FAM53B: variants seen among roughly 807,000 people sequenced by gnomAD.
The protein encoded by FAM53B is family with sequence similarity 53 member B, also known as protein FAM53B.
FAM53B carries 12 observed loss-of-function variants against 32.7 expected under a neutral mutation model. That is an observed-to-expected ratio of 0.37 (90% CI 0.24 to 0.59). FAM53B has a LOEUF of 0.59. Among genes scored for constraint, FAM53B ranks in the 20% least tolerant of loss-of-function variants. The probability of loss-of-function intolerance (pLI) is 0.72; values close to 1 mark genes in which losing one functional copy is unlikely to be tolerated. For missense variants in FAM53B, 477 were observed against 577.7 expected (o/e 0.83, Z 1.79); for synonymous variants, 234 against 228.7 (o/e 1.02, Z -0.21).
chr10:124,681,985 C>T lies in FAM53B; in HGVS notation c.528G>A (p.Val176=), dbSNP rs762045116. 4 of 1,614,068 alleles carry T rather than the reference C, an allele frequency of 2.5e-6. No homozygotes were observed. The East Asian group carries it at 8.9e-5, about 36-fold the overall frequency. The change falls in exon 4 of 5, where the codon GTG becomes GTA. Residue 176 remains valine (V), a synonymous_variant. Coordinates refer to ENST00000337318, the MANE Select transcript of FAM53B (RefSeq NM_014661.4). ...CTGCCTGGTCGCAGGGTGAGGAGAGCACGTTGGCCCGGGAAGGGAGGCTGA... is the reference window on the plus strand; with the variant it reads ...CTGCCTGGTCGCAGGGTGAGGAGAGTACGTTGGCCCGGGAAGGGAGGCTGA... ...SSFSLPSRAN[V]LSSPCDQAGL...
chr10:124,631,407 G>T (rs1949390339), intron 4 of FAM53B, among the ~76,000 whole-genome samples: 1 of 152,186 alleles, frequency 6.6e-6, no homozygotes. Context: ...GGGCCAGCAG[G>T]CCCAGCCTAC....
intron 4 of FAM53B, among the ~76,000 whole-genome samples, chr10:124,631,638 T>C (rs1949391857): frequency 6.6e-6 from 1 of 152,190 alleles, no homozygotes; most frequent in East Asian, 1.9e-4. Context: ...CGGGCTGGCC[T>C]TTCCCAAGGC....
At chr10:124,720,531 A>G (rs1159745142) in intron 1 of FAM53B, among the ~76,000 whole-genome samples, 1 of 152,204 alleles carries the variant, frequency 6.6e-6, no homozygotes, top group Admixed American at 6.5e-5. Flanking sequence ...GAATAACTGG[A>G]TGGGATCAGA....
At chr10:124,632,261 T>C (rs942621560) in intron 4 of FAM53B, among the ~76,000 whole-genome samples, 7 of 152,236 alleles carry the variant, frequency 4.6e-5, no homozygotes, top group African/African-American at 1.7e-4. Flanking sequence ...CTCCCGGTGC[T>C]CTCACAATTG....
chr10:124,696,094 G>C, intron 3 of FAM53B, 64 bp downstream of exon 3: 3 of 1,328,454 alleles, frequency 2.3e-6, no homozygotes, highest in Non-Finnish European at 3.3e-6. Flanking sequence ...GTCTCACCTG[G>C]AGGACTCAGA....
chr10:124,695,413 G>C (rs548029416), intron 3 of FAM53B, among the ~76,000 whole-genome samples: 1 of 152,142 alleles, frequency 6.6e-6, no homozygotes, highest in African/African-American at 2.4e-5. Flanking sequence ...GAAGATCAAG[G>C]CAATCTTCTC....
intron 1 of FAM53B, among the ~76,000 whole-genome samples, chr10:124,736,532 C>T (rs577172436): frequency 6.6e-6 from 1 of 152,282 alleles, no homozygotes; most frequent in Non-Finnish European, 1.5e-5. Flanking sequence ...TCCCAGCCAG[C>T]GGACAGAACC....
At chr10:124,710,577 C>T (rs1326762593) in intron 1 of FAM53B, among the ~76,000 whole-genome samples, 1 of 152,096 alleles carries the variant, frequency 6.6e-6, no homozygotes, top group South Asian at 2.1e-4. Context: ...AAAGAGAAGC[C>T]GGGGGCATGG....
At chr10:124,648,059 C>T (rs886620024) in intron 4 of FAM53B, among the ~76,000 whole-genome samples, 2 of 152,148 alleles carry the variant, frequency 1.3e-5, no homozygotes, top group Non-Finnish European at 2.9e-5. Flanking sequence ...CAGACTTCTG[C>T]ATTCTTGGTT....
chr10:124,722,833 G>A (rs994405269), intron 1 of FAM53B, among the ~76,000 whole-genome samples: 3 of 152,164 alleles, frequency 2.0e-5, no homozygotes, highest in African/African-American at 7.2e-5. Flanking sequence ...CAGGGATGAG[G>A]AAACTGCTTT....
intron 4 of FAM53B, among the ~76,000 whole-genome samples, chr10:124,633,992 C>T (rs1157866014): frequency 2.6e-5 from 4 of 152,176 alleles, no homozygotes; most frequent in African/African-American, 4.8e-5. Context: ...ACAGTCGTTG[C>T]GGAGAACAGT....
intron 3 of FAM53B, among the ~76,000 whole-genome samples, chr10:124,689,836 C>T (rs904979546): frequency 5.9e-5 from 9 of 152,258 alleles, no homozygotes; most frequent in Non-Finnish European, 8.8e-5. Context: ...GAAGAGGGGC[C>T]TCAATCTCAC....
rs1038566805 is a variant in FAM53B, at chr10:124,626,400, C to CT, written c.907-2797_907-2796insA. Among the ~76,000 whole-genome samples, 31 of 146,830 alleles carry CT rather than the reference C, an allele frequency of 2.1e-4. 1 individual carries two copies. Among genetic ancestry groups the CT allele is most frequent in the Middle Eastern group, 3.6e-3 (1 of 280 alleles). ...GGTCGAAATTTGTGCCCCCCCCCCC[C>CT]CCACCATTCCTCAGTGCAAAAGGTG... On this transcript the variant is annotated intron_variant, in intron 4 of 4. Transcript: ENST00000337318.
chr10:124,702,284 T>A (rs772772409), intron 2 of FAM53B, among the ~76,000 whole-genome samples: 5 of 152,248 alleles, frequency 3.3e-5, no homozygotes, highest in Non-Finnish European at 7.3e-5. Flanking sequence ...TTATTTTCCA[T>A]CGTTCCTGTT....
chr10:124,710,490 G>A lies in FAM53B; in HGVS notation c.-174-3603C>T, dbSNP rs148656443. Among the ~76,000 whole-genome samples the A allele has an allele frequency of 1.0e-3, 155 of 152,350 alleles. No individual in the cohort carries two copies. In the Middle Eastern group the frequency reaches 0.01, roughly 10 times the overall value. Reference sequence around the variant, plus strand: ...TCCTATGACCCGTGGGCCCTGGCCCGGCCAACTTCACTGGGGAATGCCAGG... The same window carrying A: ...TCCTATGACCCGTGGGCCCTGGCCCAGCCAACTTCACTGGGGAATGCCAGG... On this transcript the variant is annotated intron_variant, in intron 1 of 4. Coordinates refer to ENST00000337318, the MANE Select transcript of FAM53B (RefSeq NM_014661.4).
intron 4 of FAM53B, among the ~76,000 whole-genome samples, chr10:124,662,899 C>T (rs1264361943): frequency 6.6e-6 from 1 of 152,212 alleles, no homozygotes; most frequent in South Asian, 2.1e-4. Flanking sequence ...CAGGTACAGG[C>T]CCTGGCCTCA....
chr10:124,625,143 G>A (rs1416893910), intron 4 of FAM53B, among the ~76,000 whole-genome samples: 2 of 152,244 alleles, frequency 1.3e-5, no homozygotes, highest in African/African-American at 2.4e-5. Flanking sequence ...ATCACTGGCT[G>A]TCACAGCCAA....
intron 1 of FAM53B, among the ~76,000 whole-genome samples, chr10:124,724,613 GATTCT>G (rs978070030): frequency 2.6e-5 from 4 of 152,176 alleles, no homozygotes; most frequent in African/African-American, 7.2e-5. Flanking sequence ...TGACCCAGGG[GATTCT>G]AAGAGGTCGT....
intron 4 of FAM53B, among the ~76,000 whole-genome samples, chr10:124,673,095 C>T (rs552851634): frequency 1.3e-5 from 2 of 152,264 alleles, no homozygotes; most frequent in East Asian, 1.9e-4. Flanking sequence ...GCTGCTTTCA[C>T]CTCGAGAACA....
Sources: gnomAD v4.1 joint callset for allele counts (sites outside exome capture counted in the v4.1 genomes callset) on GRCh38, gnomAD v4.1.1 for gene constraint, MANE v1.5 for transcripts, NCBI Gene and HGNC (gene_info 2026-07-23, HGNC 2026-07-21) for gene names.